CYTH3: variants seen among roughly 807,000 people sequenced by gnomAD.
The protein encoded by CYTH3 is cytohesin-3.
A neutral mutation model predicts 55.1 loss-of-function variants in CYTH3; 23 were observed. That is an observed-to-expected ratio of 0.42 (90% CI 0.30 to 0.59). CYTH3 has a LOEUF of 0.59. CYTH3 is among the 20% of genes least tolerant of loss of function. CYTH3 has a pLI of 0.20. For missense variants in CYTH3, 413 were observed against 524.8 expected (o/e 0.79, Z 2.08); for synonymous variants, 249 against 194.9 (o/e 1.28, Z -2.31).
rs71523777 is a variant in CYTH3 at position 6,259,784 on chromosome 7, A to AATAT, written c.34+12686_34+12689dup. On this transcript the variant is annotated intron_variant, in intron 1 of 12. Coordinates refer to ENST00000350796, the MANE Select transcript of CYTH3 (RefSeq NM_004227.4). Reference sequence around the variant, plus strand: ...ATATATATATATATTATATATATATAATATATATATATATATATATATATA... The same window carrying AATAT: ...ATATATATATATATTATATATATATAATATATATATATATATATATATATATATA... 8.5e-3 allele frequency among the ~76,000 whole-genome samples: 177 copies of AATAT among 20,882 alleles called. 2 individuals carry two copies. The highest frequency in any genetic ancestry group is 0.01 in the Non-Finnish European group (159 of 15,280). The allele number at this position is 20,882 out of a possible 152,430, so 13.7% of individuals were successfully genotyped here.
At chr7:6,243,392 G>C (rs1242713149) in intron 1 of CYTH3, among the ~76,000 whole-genome samples, 1 of 152,176 alleles carries the variant, frequency 6.6e-6, no homozygotes, top group East Asian at 1.9e-4. Context: ...ACATGCTTTG[G>C]GTCAAAGCAT....
intron 1 of CYTH3, among the ~76,000 whole-genome samples, chr7:6,191,652 G>A (rs1275387013): frequency 1.4e-5 from 2 of 146,228 alleles, no homozygotes; most frequent in East Asian, 2.0e-4. Flanking sequence ...CTGGAGTGCA[G>A]TGGCACAATC....
chr7:6,240,667 C>G (rs1425067164), intron 1 of CYTH3, among the ~76,000 whole-genome samples: 2 of 152,088 alleles, frequency 1.3e-5, no homozygotes, highest in Non-Finnish European at 2.9e-5. Flanking sequence ...ATACCTCACG[C>G]CACACATCAG....
At chr7:6,189,656 C>T (rs1000217216) in intron 2 of CYTH3, among the ~76,000 whole-genome samples, 6 of 152,078 alleles carry the variant, frequency 3.9e-5, no homozygotes, top group Non-Finnish European at 7.4e-5. Context: ...TGGTACACAG[C>T]TGGAACCCAA....
intron 2 of CYTH3, 35 bp from the exon 3 acceptor site, chr7:6,187,756 G>T (rs757863861): frequency 2.6e-6 from 4 of 1,568,344 alleles, no homozygotes; most frequent in African/African-American, 2.7e-5. Context: ...GTGGGGAGTG[G>T]GTCTTAACCT....
intron 1 of CYTH3, among the ~76,000 whole-genome samples, chr7:6,246,080 AT>A (rs796237115): frequency 6.9e-4 from 103 of 148,720 alleles, no homozygotes; most frequent in African/African-American, 1.4e-3. Flanking sequence ...ATAATTTTTA[AT>A]TTTTTTTTTT....
rs1460027294 is a variant in CYTH3, at chr7:6,207,972, T to C, written c.35-17441A>G. 3.9e-5 allele frequency among the ~76,000 whole-genome samples: 6 copies of C among 152,014 alleles called. No homozygotes were observed. In the East Asian group the frequency reaches 1.2e-3, roughly 29 times the overall value. On this transcript the variant is annotated intron_variant, in intron 1 of 12. Transcript: ENST00000350796. ...CTTGGGGGGGTGGGGGGAAAGGTGT[T>C]AGAAGCAGATAAAAAAAACGATTAA...
chr7:6,188,307 T>C (rs1783709274), intron 2 of CYTH3, among the ~76,000 whole-genome samples: 1 of 150,584 alleles, frequency 6.6e-6, no homozygotes. Context: ...TACTCCAGTC[T>C]GGGTGACAGA....
intron 1 of CYTH3, among the ~76,000 whole-genome samples, chr7:6,259,817 T>TATATATATAATATATATATATATA (rs1780296407): frequency 3.8e-5 from 1 of 26,114 alleles, no homozygotes; most frequent in African/African-American, 4.0e-4. Context: ...ATATATAATA[T>TATATATATAATATATATATATATA]ATATATATAT....
chr7:6,217,346 T>G (rs1784451206), intron 1 of CYTH3, among the ~76,000 whole-genome samples: 1 of 152,208 alleles, frequency 6.6e-6, no homozygotes, highest in Non-Finnish European at 1.5e-5. Context: ...TACACGTATT[T>G]TATATTCGAA....
At chr7:6,194,479 C>T (rs946712304) in intron 1 of CYTH3, among the ~76,000 whole-genome samples, 1 of 152,122 alleles carries the variant, frequency 6.6e-6, no homozygotes, top group African/African-American at 2.4e-5. Context: ...AACAAAAAAA[C>T]CTTGAAAACA....
chr7:6,199,175 C>T (rs1019401577), intron 1 of CYTH3, among the ~76,000 whole-genome samples: 6 of 152,224 alleles, frequency 3.9e-5, no homozygotes, highest in Admixed American at 6.5e-5. Flanking sequence ...AAATCCTTGC[C>T]TTTCTCAGGC....
chr7:6,259,734 CATATATATAAT>C (rs1780229946), intron 1 of CYTH3, among the ~76,000 whole-genome samples: 5 of 61,974 alleles, frequency 8.1e-5, no homozygotes, highest in Admixed American at 7.6e-4. Context: ...ATTTTACATA[CATATATATAAT>C]ATATATATAT....
intron 4 of CYTH3, among the ~76,000 whole-genome samples, chr7:6,180,592 T>A (rs541951099): frequency 2.0e-5 from 3 of 152,352 alleles, no homozygotes; most frequent in Non-Finnish European, 4.4e-5. Context: ...CCTCCTGAAC[T>A]GAGCGAGAAT....
At chr7:6,173,763 T>C (rs1377764064) in intron 5 of CYTH3, 30 bp from the exon 6 acceptor site, 10 of 1,281,940 alleles carry the variant, frequency 7.8e-6, no homozygotes, top group Admixed American at 1.7e-5. Context: ...GTTTCAAACC[T>C]AATGTACATT....
rs1562417429 is a variant in CYTH3, at chr7:6,259,766, TA to T, written c.34+12707del. On this transcript the variant is annotated intron_variant, in intron 1 of 12. Transcript: ENST00000350796. ...ATAATATATATATATATTATATATATATATATTATATATATATAATATATAT... is the reference window on the plus strand; with the variant it reads ...ATAATATATATATATATTATATATATTATATTATATATATATAATATATAT... Among the ~76,000 whole-genome samples, 43 of 24,750 alleles carry T rather than the reference TA, an allele frequency of 1.7e-3. 5 individuals carry two copies. The East Asian group carries it at 0.051, about 29-fold the overall frequency. The allele number at this position is 24,750 out of a possible 152,430, so 16.2% of individuals were successfully genotyped here.
At chr7:6,178,021 C>A in intron 4 of CYTH3, 80 bp from the exon 5 acceptor site, 1 of 1,073,550 alleles carries the variant, frequency 9.3e-7, no homozygotes. Flanking sequence ...CACTTAGTGT[C>A]AGGATTTTAC....
chr7:6,227,172 T>TA (rs1263238341), intron 1 of CYTH3, among the ~76,000 whole-genome samples: 1 of 147,796 alleles, frequency 6.8e-6, no homozygotes, highest in Non-Finnish European at 1.5e-5. Context: ...TTTTAAAGAA[T>TA]AAAAAATCAC....
intron 1 of CYTH3, among the ~76,000 whole-genome samples, chr7:6,226,963 C>CT (rs1327714875): frequency 2.0e-5 from 3 of 151,970 alleles, no homozygotes; most frequent in African/African-American, 7.3e-5. Flanking sequence ...ACCTGTAGTC[C>CT]CAGCTACTCA....
Sources: allele counts gnomAD v4.1 joint callset (sites outside exome capture counted in the v4.1 genomes callset), GRCh38; gene constraint gnomAD v4.1.1; transcripts MANE v1.5; gene names NCBI Gene and HGNC (gene_info 2026-07-23, HGNC 2026-07-21).